Variants in SPON1 observed in about 807,000 individuals in gnomAD.
The protein encoded by SPON1 is spondin 1, also known as spondin-1.
A neutral mutation model predicts 111.7 loss-of-function variants in SPON1; 52 were observed. That is an observed-to-expected ratio of 0.47 (90% CI 0.37 to 0.59). SPON1 has a LOEUF of 0.59. SPON1 is among the 20% of genes least tolerant of loss of function. The probability of loss-of-function intolerance (pLI) is 0.00; values close to 1 mark genes in which losing one functional copy is unlikely to be tolerated. For missense variants in SPON1, 957 were observed against 1,068.5 expected (o/e 0.90, Z 1.46); for synonymous variants, 410 against 395.8 (o/e 1.04, Z -0.43).
intron 1 of SPON1, among the ~76,000 whole-genome samples, chr11:13,966,019 G>A (rs1013816609): frequency 2.6e-5 from 4 of 152,174 alleles, no homozygotes; most frequent in African/African-American, 9.7e-5. Flanking sequence ...TCTAAGTACA[G>A]TCTTTAGGTA....
chr11:14,193,621 T>G (rs1848370550), intron 6 of SPON1, among the ~76,000 whole-genome samples: 1 of 152,158 alleles, frequency 6.6e-6, no homozygotes, highest in Non-Finnish European at 1.5e-5. Flanking sequence ...TCTCCTTTAG[T>G]GTCCAGTCTT....
Position 14,267,838 on chromosome 11 carries a change from C to G in SPON1, c.*2151C>G, listed in dbSNP as rs556783191. On this transcript the variant is annotated 3_prime_UTR_variant, in exon 16 of 16. Transcript: ENST00000576479. Reference sequence around the variant, plus strand: ...AATTTGTTTGGACTTCCACTTGAGACAGTAAAGAGAGTATTAGACACCCAG... The same window carrying G: ...AATTTGTTTGGACTTCCACTTGAGAGAGTAAAGAGAGTATTAGACACCCAG... The G allele has an allele frequency of 1.3e-4, 20 of 152,196 alleles. No individual in the cohort carries two copies. Among genetic ancestry groups the G allele is most frequent in the South Asian group, 6.2e-4 (3 of 4,818 alleles). 9.4% of individuals were successfully genotyped at this position (152,196 alleles called of 1,614,324 possible). A position where few individuals can be genotyped will look rare whatever the true frequency, so the allele number is the denominator to read the frequency against.
intron 6 of SPON1, among the ~76,000 whole-genome samples, chr11:14,226,555 A>G (rs1394900112): frequency 6.6e-6 from 1 of 152,246 alleles, no homozygotes; most frequent in Non-Finnish European, 1.5e-5. Flanking sequence ...AATTCGACGT[A>G]CAATTTTTAC....
intron 14 of SPON1, among the ~76,000 whole-genome samples, chr11:14,261,771 G>GT (rs1386916712): frequency 2.0e-5 from 3 of 152,138 alleles, no homozygotes; most frequent in Non-Finnish European, 2.9e-5. Context: ...GTCCACTGAA[G>GT]TAAGGGAGAA....
chr11:14,020,778 A>G (rs1334662088), intron 2 of SPON1, among the ~76,000 whole-genome samples: 1 of 152,226 alleles, frequency 6.6e-6, no homozygotes, highest in Non-Finnish European at 1.5e-5. Flanking sequence ...GGAGTCCCAC[A>G]GCCAGGGTTT....
At chr11:14,163,125 A>G (rs1414340546) in intron 6 of SPON1, among the ~76,000 whole-genome samples, 1 of 152,208 alleles carries the variant, frequency 6.6e-6, no homozygotes, top group Non-Finnish European at 1.5e-5. Flanking sequence ...AGATTGCCTA[A>G]GTTTAATAAT....
chr11:14,128,438 G>A (rs577279085), intron 5 of SPON1, among the ~76,000 whole-genome samples: 3 of 152,246 alleles, frequency 2.0e-5, no homozygotes, highest in Non-Finnish European at 4.4e-5. Flanking sequence ...TTGACTCTGT[G>A]TCTCATATCC....
chr11:14,259,846 AGAT>A lies in SPON1; in HGVS notation c.1831+148_1831+150del, dbSNP rs564298557. 2.1e-4 allele frequency: 186 copies of A among 889,534 alleles called. 2 individuals carry two copies. In the East Asian group the frequency reaches 4.5e-3, roughly 21 times the overall value. 55.1% of individuals were successfully genotyped at this position (889,534 alleles called of 1,614,324 possible). The stretch of plus-strand genomic sequence containing the variant: ...TCCTTGCTGGGCACTGCTGGGAGCC[AGAT>A]GAGAGACATAGGTGTGTAGACATCA... On this transcript the variant is annotated intron_variant, in intron 13 of 15. Transcript: ENST00000576479. This position sits in a 1 kb window ranked among gnomAD's most constrained non-coding sequence, Gnocchi z 5.0.
chr11:14,263,074 A>T, intron 15 of SPON1, 99 bp downstream of exon 15: 2 of 1,073,622 alleles, frequency 1.9e-6, no homozygotes, highest in South Asian at 3.4e-5. Flanking sequence ...AAAAAAAAAA[A>T]GTCGGGGAGA....
At chr11:14,035,699 C>A (rs898718402) in intron 2 of SPON1, among the ~76,000 whole-genome samples, 11 of 151,600 alleles carry the variant, frequency 7.3e-5, no homozygotes, top group Admixed American at 6.6e-4. Context: ...TTCACTGTAG[C>A]CTCAACTTCC....
At chr11:14,029,207 C>A (rs1554915725) in intron 2 of SPON1, among the ~76,000 whole-genome samples, 1 of 152,078 alleles carries the variant, frequency 6.6e-6, no homozygotes, top group Non-Finnish European at 1.5e-5. Context: ...CCAAGCCAAA[C>A]TGGATTTAGG....
rs1256657801 is a variant in SPON1 at position 14,160,391 on chromosome 11, TTATATATATATTTA to T, written c.825+24861_825+24874del. Among the ~76,000 whole-genome samples, 19 of 36,038 alleles carry T rather than the reference TTATATATATATTTA, an allele frequency of 5.3e-4. 2 individuals are homozygous for T. Among genetic ancestry groups the T allele is most frequent in the East Asian group, 5.0e-3 (5 of 1,002 alleles). 23.6% of individuals were successfully genotyped at this position (36,038 alleles called of 152,430 possible). ...TGTGCTCAGAACACTTACATTATTTTTATATATATATTTATATATATATATTTATATATATATAT... is the reference window on the plus strand; with the variant it reads ...TGTGCTCAGAACACTTACATTATTTTTATATATATATTTATATATATATAT... On this transcript the variant is annotated intron_variant, in intron 6 of 15. Coordinates refer to ENST00000576479, the MANE Select transcript of SPON1 (RefSeq NM_006108.4).
intron 2 of SPON1, among the ~76,000 whole-genome samples, chr11:14,006,831 G>A (rs1304968626): frequency 2.0e-5 from 3 of 152,168 alleles, no homozygotes; most frequent in African/African-American, 7.2e-5. Context: ...AGTGCAGATT[G>A]GCCAGTTCAC....
intron 6 of SPON1, among the ~76,000 whole-genome samples, chr11:14,196,712 A>T (rs1309923412): frequency 1.3e-5 from 2 of 152,162 alleles, no homozygotes; most frequent in Non-Finnish European, 2.9e-5. Flanking sequence ...TTTAGTAAAC[A>T]CTAACCTGCC....
chr11:13,971,530 A>G (rs1848063166), intron 1 of SPON1, among the ~76,000 whole-genome samples: 1 of 152,106 alleles, frequency 6.6e-6, no homozygotes, highest in African/African-American at 2.4e-5. Flanking sequence ...ACTAAACTAA[A>G]ATTTAATTTA....
intron 5 of SPON1, among the ~76,000 whole-genome samples, chr11:14,117,335 T>C (rs1224028765): frequency 6.6e-6 from 1 of 152,206 alleles, no homozygotes; most frequent in African/African-American, 2.4e-5. Context: ...TAAATATTTT[T>C]ATCACATTAA....
intron 5 of SPON1, among the ~76,000 whole-genome samples, chr11:14,128,709 A>G (rs559693033): frequency 6.6e-6 from 1 of 152,216 alleles, no homozygotes; most frequent in Non-Finnish European, 1.5e-5. Flanking sequence ...TCCCCTCTGC[A>G]TGGCCCTACT....
chr11:14,003,858 T>C (rs1848338623), intron 2 of SPON1, among the ~76,000 whole-genome samples: 1 of 152,196 alleles, frequency 6.6e-6, no homozygotes, highest in Non-Finnish European at 1.5e-5. Context: ...CCTCATGCTA[T>C]ACATTAGATC....
intron 3 of SPON1, among the ~76,000 whole-genome samples, chr11:14,051,530 T>A (rs1554918590): frequency 6.7e-6 from 1 of 149,080 alleles, no homozygotes; most frequent in Non-Finnish European, 1.5e-5. Flanking sequence ...AGTGAGAGCC[T>A]GTCTCAAAAA....
Sources: gnomAD v4.1 joint callset for allele counts (sites outside exome capture counted in the v4.1 genomes callset) on GRCh38, gnomAD v4.1.1 for gene constraint, Gnocchi (gnomAD v3.1) non-coding constraint, MANE v1.5 for transcripts, NCBI Gene and HGNC (gene_info 2026-07-23, HGNC 2026-07-21) for gene names.